Variants in SNX25 observed in about 807,000 individuals in gnomAD.
SNX25 encodes sorting nexin 25.
In SNX25, 62 loss-of-function variants were observed where a neutral mutation model predicts 113.7. The ratio of observed to expected loss-of-function variants is 0.55; its 90% CI spans 0.44 to 0.67. The LOEUF is 0.67. Ranked by LOEUF, SNX25 falls within the 30% of genes least tolerant of loss-of-function variation. The pLI is 0.00. For missense variants in SNX25, 1,014 were observed against 1,161.0 expected, an observed-to-expected ratio of 0.87 and a Z score of 1.84; for synonymous variants, 421 against 436.2, an observed-to-expected ratio of 0.97 and a Z score of 0.43.
chr4:185,294,915 A>G (rs191844119), intron 6 of SNX25, among the ~76,000 whole-genome samples: 12 of 152,124 alleles, frequency 7.9e-5, no homozygotes, highest in Non-Finnish European at 1.6e-4. Flanking sequence ...ATTGGATGTT[A>G]CAGGAAGTCG....
chr4:185,356,654 A>G (rs188912254), intron 15 of SNX25, among the ~76,000 whole-genome samples: 1 of 152,134 alleles, frequency 6.6e-6, no homozygotes, highest in Non-Finnish European at 1.5e-5. Flanking sequence ...TGTGTTTTCT[A>G]TGATTTCTAT....
intron 6 of SNX25, among the ~76,000 whole-genome samples, chr4:185,291,481 C>T (rs1752161860): frequency 6.6e-6 from 1 of 152,324 alleles, no homozygotes; most frequent in East Asian, 1.9e-4. Context: ...TCTTCTGTCT[C>T]AATTCCTAGA....
At chr4:185,222,065 ATGGTAGGTATATAG>A (rs1739981585) in intron 1 of SNX25, among the ~76,000 whole-genome samples, 2 of 108,908 alleles carry the variant, frequency 1.8e-5, no homozygotes, top group Non-Finnish European at 4.0e-5. Context: ...CCCCTCCTTC[ATGGTAGGTATATAG>A]CGCCATATAC....
At chr4:185,239,330 A>G (rs1173723391) in intron 1 of SNX25, among the ~76,000 whole-genome samples, 1 of 151,972 alleles carries the variant, frequency 6.6e-6, no homozygotes, top group African/African-American at 2.4e-5. Context: ...AAAAATGCAA[A>G]AAATTAGCCG....
At chr4:185,228,218 TTTG>T (rs1275436741) in intron 1 of SNX25, among the ~76,000 whole-genome samples, 1 of 152,010 alleles carries the variant, frequency 6.6e-6, no homozygotes, top group East Asian at 1.9e-4. Context: ...TTATGGGATT[TTTG>T]TTGTTGTCAG....
chr4:185,373,147 C>G, downstream of SNX25: 1 of 1,373,874 alleles, frequency 7.3e-7, no homozygotes. Flanking sequence ...GAATACTAGA[C>G]AGAAAAGAAC....
downstream of SNX25, chr4:185,367,009 A>G (rs2095390218): frequency 3.3e-6 from 2 of 599,526 alleles, no homozygotes; most frequent in South Asian, 4.4e-5. Flanking sequence ...TCTAGGTTTC[A>G]AGTTGCAAAA....
At chr4:185,241,031 C>T (rs1376312063) in intron 1 of SNX25, among the ~76,000 whole-genome samples, 1 of 142,870 alleles carries the variant, frequency 7.0e-6, no homozygotes, top group Non-Finnish European at 1.5e-5. Flanking sequence ...ACATCCCAGA[C>T]GATGGGCGGC....
At chr4:185,372,250 G>T (rs988950339), downstream of SNX25, among the ~76,000 whole-genome samples, 2 of 152,156 alleles carry the variant, frequency 1.3e-5, no homozygotes, top group African/African-American at 4.8e-5. Flanking sequence ...TGCTATAAAG[G>T]TATTCTCTTC....
rs765277606 is a variant in SNX25 at position 185,351,516 on chromosome 4, C to T, written c.2373C>T (p.Tyr791=). Residue 791 remains tyrosine, a synonymous_variant, in exon 14 of 19, where the codon TAC becomes TAT. Coordinates refer to ENST00000652585, the MANE Select transcript of SNX25 (RefSeq NM_001378034.2). ...CCTTCTTGAGCCCTTCTCCTGACTA[C>T]CTCAAGGTTATCGACGTGCAGGGGA... The part of the protein sequence containing the change: ...LYAFLSPSPD[Y]LKVIDVQGKK... 1.2e-6 allele frequency: 2 copies of T among 1,614,196 alleles called. No individual in the cohort carries two copies. Among genetic ancestry groups the T allele is most frequent in the African/African-American group, 1.3e-5 (1 of 75,056 alleles).
intron 1 of SNX25, among the ~76,000 whole-genome samples, chr4:185,231,580 G>A (rs1315917437): frequency 2.6e-5 from 4 of 151,754 alleles, no homozygotes; most frequent in East Asian, 2.0e-4. Flanking sequence ...GCTTGATGGT[G>A]GGCGCCTGTA....
chr4:185,328,133 C>T (rs974375371), intron 9 of SNX25, among the ~76,000 whole-genome samples: 1 of 152,166 alleles, frequency 6.6e-6, no homozygotes, highest in African/African-American at 2.4e-5. Flanking sequence ...TATAGCCACA[C>T]AGGCAACCAG....
At chr4:185,336,826 A>G (rs1286024705) in intron 10 of SNX25, among the ~76,000 whole-genome samples, 2 of 152,056 alleles carry the variant, frequency 1.3e-5, no homozygotes, top group African/African-American at 4.8e-5. Context: ...TACATCTACT[A>G]TCTTTTTATT....
At position 185,362,712 on chromosome 4, in the gene SNX25, G is replaced by C; in HGVS notation, c.2934+1G>C. On this transcript the variant is annotated splice_donor_variant, in intron 18 of 18. Transcript: ENST00000652585. LOFTEE classifies it high-confidence loss of function. ...AAGAGCCAACAAGCATCTGTTATATGTGAGTAAATTAAAGCCCAGGGGGTT... is the reference window on the plus strand; with the variant it reads ...AAGAGCCAACAAGCATCTGTTATATCTGAGTAAATTAAAGCCCAGGGGGTT... 2 of 1,611,258 alleles carry C rather than the reference G, an allele frequency of 1.2e-6. No homozygotes were observed. The highest frequency in any genetic ancestry group is 1.7e-6 in the Non-Finnish European group (2 of 1,178,274).
intron 1 of SNX25, among the ~76,000 whole-genome samples, chr4:185,239,248 A>T (rs13102465): frequency 6.8e-6 from 1 of 146,640 alleles, no homozygotes; most frequent in Non-Finnish European, 1.5e-5. Context: ...TTGGGAGGCC[A>T]AGGCGGGCAG....
chr4:185,296,388 C>G (rs916752998), intron 6 of SNX25, among the ~76,000 whole-genome samples: 2 of 152,108 alleles, frequency 1.3e-5, no homozygotes, highest in African/African-American at 4.8e-5. Flanking sequence ...TCAACACACT[C>G]CAGAAAATCC....
chr4:185,358,234 G>A (rs1481582895), intron 16 of SNX25, among the ~76,000 whole-genome samples: 3 of 152,138 alleles, frequency 2.0e-5, no homozygotes, highest in Non-Finnish European at 4.4e-5. Context: ...CGTATCCACT[G>A]GGGTGTGTGT....
chr4:185,237,653 G>A (rs1253113837), intron 1 of SNX25, among the ~76,000 whole-genome samples: 1 of 152,014 alleles, frequency 6.6e-6, no homozygotes, highest in Non-Finnish European at 1.5e-5. Context: ...GCTTGAACAT[G>A]GCTCAAAGTT....
At chr4:185,251,657 T>G (rs1034742338) in intron 2 of SNX25, among the ~76,000 whole-genome samples, 2 of 151,216 alleles carry the variant, frequency 1.3e-5, no homozygotes, top group African/African-American at 4.9e-5. Flanking sequence ...GTTTATCCAT[T>G]CACTCATCAG....
Sources: allele counts gnomAD v4.1 joint callset (sites outside exome capture counted in the v4.1 genomes callset), GRCh38; gene constraint gnomAD v4.1.1; transcripts MANE v1.5; gene names NCBI Gene and HGNC (gene_info 2026-07-23, HGNC 2026-07-21).